VTI1A: variants seen among roughly 807,000 people sequenced by gnomAD.
VTI1A encodes the protein vesicle transport through interaction with t-SNAREs homolog 1A.
Under a neutral mutation model 34.9 loss-of-function variants are expected in VTI1A, and 22 were observed. The ratio of observed to expected loss-of-function variants is 0.63; its 90% confidence interval spans 0.45 to 0.90. The LOEUF (loss-of-function observed/expected upper bound fraction) is 0.90. Among genes scored for constraint, VTI1A ranks in the 40% least tolerant of loss-of-function variants. The pLI is 0.00. For missense variants in VTI1A, 268 were observed against 275.6 expected, an observed-to-expected ratio of 0.97 and a Z score of 0.20; for synonymous variants, 87 against 97.3, an observed-to-expected ratio of 0.89 and a Z score of 0.62.
intron 5 of VTI1A, among the ~76,000 whole-genome samples, chr10:112,581,165 A>G (rs1201207785): frequency 6.6e-6 from 1 of 152,186 alleles, no homozygotes; most frequent in Non-Finnish European, 1.5e-5. Flanking sequence ...AGGAGAGTGT[A>G]GTCCAGGTAT....
the VTI1A span, among the ~76,000 whole-genome samples, chr10:112,846,785 A>G: frequency 7.2e-5 from 11 of 152,056 alleles, no homozygotes; most frequent in East Asian, 1.4e-3. Flanking sequence ...AAAAAAAAGA[A>G]AAAAGAAATA....
chr10:112,538,359 C>A, intron 5 of VTI1A, 29 bp downstream of exon 5: 1 of 1,595,074 alleles, frequency 6.3e-7, no homozygotes, highest in South Asian at 1.1e-5. Context: ...AGCAAATTGT[C>A]TTGCTTATGC....
intron 1 of VTI1A, among the ~76,000 whole-genome samples, chr10:112,454,294 T>C (rs1301351945): frequency 1.3e-5 from 2 of 152,196 alleles, no homozygotes; most frequent in Non-Finnish European, 2.9e-5. Context: ...TATCAAGAAT[T>C]ATACTATGCA....
At chr10:112,564,843 G>T (rs974451098) in intron 5 of VTI1A, among the ~76,000 whole-genome samples, 5 of 152,060 alleles carry the variant, frequency 3.3e-5, no homozygotes, top group Admixed American at 3.3e-4. Context: ...ACTGACTTTT[G>T]CTCAAACTTT....
intron 5 of VTI1A, among the ~76,000 whole-genome samples, chr10:112,610,920 A>C (rs1207745756): frequency 7.0e-6 from 1 of 143,238 alleles, no homozygotes; most frequent in Non-Finnish European, 1.5e-5. Context: ...CTCCATCTCA[A>C]AAAAAAAAAA....
intron 3 of VTI1A, among the ~76,000 whole-genome samples, chr10:112,489,757 G>A (rs1455559968): frequency 1.3e-5 from 2 of 152,194 alleles, no homozygotes; most frequent in African/African-American, 4.8e-5. Flanking sequence ...CCAAGAGGTT[G>A]ACTTACATGT....
chr10:112,707,436 C>T (rs556443338), intron 7 of VTI1A, among the ~76,000 whole-genome samples: 1 of 152,206 alleles, frequency 6.6e-6, no homozygotes, highest in Admixed American at 6.5e-5. Context: ...CAGGTTCAAG[C>T]AATTCTCCTG....
chr10:112,836,741 C>T, the VTI1A span, among the ~76,000 whole-genome samples: 1 of 152,128 alleles, frequency 6.6e-6, no homozygotes, highest in Non-Finnish European at 1.5e-5. Context: ...GACATTGGAG[C>T]ATGATGCGGC....
intron 7 of VTI1A, among the ~76,000 whole-genome samples, chr10:112,675,632 C>T (rs1847998747): frequency 6.6e-6 from 1 of 152,228 alleles, no homozygotes. Flanking sequence ...CACCGTGCAG[C>T]AGAAGAATCT....
chr10:112,565,839 T>C (rs1851888879), intron 5 of VTI1A, among the ~76,000 whole-genome samples: 2 of 152,200 alleles, frequency 1.3e-5, no homozygotes, highest in Non-Finnish European at 2.9e-5. Context: ...AGATATTTTC[T>C]AATAATTTTC....
At chr10:112,593,261 C>T (rs866446646) in intron 5 of VTI1A, among the ~76,000 whole-genome samples, 6 of 152,164 alleles carry the variant, frequency 3.9e-5, no homozygotes, top group Admixed American at 3.3e-4. Context: ...CTCCAATGGT[C>T]GGGTGTAGGC....
chr10:112,560,484 C>T (rs1225644958), intron 5 of VTI1A, among the ~76,000 whole-genome samples: 3 of 151,892 alleles, frequency 2.0e-5, no homozygotes, highest in Non-Finnish European at 1.5e-5. Flanking sequence ...AGGAGTAATC[C>T]ATTACTCATT....
intron 7 of VTI1A, among the ~76,000 whole-genome samples, chr10:112,687,129 G>C (rs1848441781): frequency 6.6e-6 from 1 of 150,386 alleles, no homozygotes; most frequent in African/African-American, 2.4e-5. Context: ...GAGGACTTTA[G>C]GAAGCTGCAG....
chr10:112,582,498 T>C (rs1416653720), intron 5 of VTI1A, among the ~76,000 whole-genome samples: 1 of 152,182 alleles, frequency 6.6e-6, no homozygotes, highest in Non-Finnish European at 1.5e-5. Flanking sequence ...GTCATCTTGC[T>C]TGTGAGCCCT....
At chr10:112,475,020 T>C (rs1379013834) in intron 3 of VTI1A, among the ~76,000 whole-genome samples, 2 of 152,224 alleles carry the variant, frequency 1.3e-5, no homozygotes, top group East Asian at 3.8e-4. Flanking sequence ...TGTATCACCC[T>C]GCTCTCCTTA....
chr10:112,792,741 T>C (rs1429863056), intron 7 of VTI1A, among the ~76,000 whole-genome samples: 1 of 152,170 alleles, frequency 6.6e-6, no homozygotes, highest in East Asian at 1.9e-4. Flanking sequence ...ACATGAGCCT[T>C]TTAAAAGAGG....
At chr10:112,456,473 C>T (rs1406977783) in intron 1 of VTI1A, among the ~76,000 whole-genome samples, 2 of 150,632 alleles carry the variant, frequency 1.3e-5, no homozygotes, top group East Asian at 1.9e-4. Context: ...TTTTAATGAC[C>T]GTTGTACCCC....
At chr10:112,465,416 C>A (rs1210010549) in intron 3 of VTI1A, among the ~76,000 whole-genome samples, 1 of 152,136 alleles carries the variant, frequency 6.6e-6, no homozygotes, top group African/African-American at 2.4e-5. Flanking sequence ...CATCCATATT[C>A]ATAGCAGCAT....
At chr10:112,622,525 G>T (rs191278650) in intron 5 of VTI1A, among the ~76,000 whole-genome samples, 1 of 151,052 alleles carries the variant, frequency 6.6e-6, no homozygotes, top group Admixed American at 6.6e-5. Context: ...AGTCACATAC[G>T]TATTTCTTTA....
Sources: gnomAD v4.1 joint callset for allele counts (sites outside exome capture counted in the v4.1 genomes callset) on GRCh38, gnomAD v4.1.1 for gene constraint, MANE v1.5 for transcripts, NCBI Gene and HGNC (gene_info 2026-07-23, HGNC 2026-07-21) for gene names.